The following ELAVL4 variants were observed in gnomAD, a reference collection of about 807,000 sequenced individuals.
ELAVL4 encodes ELAV like RNA binding protein 4, also known as ELAV-like protein 4.
ELAVL4 carries 1 observed loss-of-function variant against 35.6 expected under a neutral mutation model. That is an observed-to-expected ratio of 0.03 (90% CI 0.01 to 0.13). The LOEUF is 0.13. Among genes scored for constraint, ELAVL4 ranks in the 10% least tolerant of loss-of-function variants. The probability of loss-of-function intolerance (pLI) is 1.00; values close to 1 mark genes in which losing one functional copy is unlikely to be tolerated. For missense variants in ELAVL4, 267 were observed against 464.9 expected, an observed-to-expected ratio of 0.57 and a Z score of 3.91; for synonymous variants, 156 against 171.0, an observed-to-expected ratio of 0.91 and a Z score of 0.69.
chr1:50,120,893 G>C (rs561300800), intron 1 of ELAVL4, among the ~76,000 whole-genome samples: 2 of 152,004 alleles, frequency 1.3e-5, no homozygotes, highest in Non-Finnish European at 2.9e-5. Flanking sequence ...AGAGAAGATG[G>C]TGGTGAGTGG....
chr1:50,153,598 C>A (rs1279570768), intron 2 of ELAVL4, among the ~76,000 whole-genome samples: 3 of 152,140 alleles, frequency 2.0e-5, no homozygotes, highest in Non-Finnish European at 4.4e-5. Flanking sequence ...GAAAAGCGAG[C>A]CTTCAACTTG....
rs1644349503 is a variant in ELAVL4 at position 50,200,712 on chromosome 1, A to C, written c.774-139A>C. On this transcript the variant is annotated intron_variant, in intron 6 of 6. Coordinates refer to ENST00000371824, the MANE Select transcript of ELAVL4 (RefSeq NM_001144774.3). ...AAATGACATAGACATTAGTTTTTAC[A>C]TTTTGGTTTTTGAACCCTGAAGACT... 36 of 1,488,574 alleles carry C rather than the reference A, an allele frequency of 2.4e-5. No homozygotes were observed. In the South Asian group the frequency reaches 4.8e-4, roughly 20 times the overall value. The allele number at this position is 1,488,574 out of a possible 1,614,324, so 92.2% of individuals were successfully genotyped here.
intron 6 of ELAVL4, among the ~76,000 whole-genome samples, chr1:50,197,994 C>T (rs1557869188): frequency 6.6e-6 from 1 of 152,208 alleles, no homozygotes; most frequent in Non-Finnish European, 1.5e-5. Context: ...TTTCTAACTC[C>T]TGCCCCCACT....
chr1:50,105,844 A>G (rs1666255447), upstream of ELAVL4: 2 of 156,962 alleles, frequency 1.3e-5, no homozygotes, highest in African/African-American at 4.8e-5. Context: ...AACCCTTTGC[A>G]GACGGAGTGC....
chr1:50,068,259 TAG>T (rs1664357800), intron 1 of ELAVL4, among the ~76,000 whole-genome samples: 1 of 152,148 alleles, frequency 6.6e-6, no homozygotes. Context: ...CATGCATAAC[TAG>T]ACATGGGAGA....
At chr1:50,126,811 A>G (rs988105289) in intron 1 of ELAVL4, among the ~76,000 whole-genome samples, 3 of 152,116 alleles carry the variant, frequency 2.0e-5, no homozygotes, top group African/African-American at 7.2e-5. Context: ...AAACTCCCCC[A>G]TGAAACACAT....
chr1:50,065,949 CAA>C (rs1430055551), intron 1 of ELAVL4, among the ~76,000 whole-genome samples: 3 of 151,978 alleles, frequency 2.0e-5, no homozygotes, highest in Non-Finnish European at 2.9e-5. Context: ...GGCAGGGTAC[CAA>C]GAGAGAGCGA....
intron 2 of ELAVL4, among the ~76,000 whole-genome samples, chr1:50,153,595 G>C (rs935023406): frequency 7.2e-5 from 11 of 152,142 alleles, no homozygotes; most frequent in African/African-American, 2.7e-4. Context: ...AAAGAAAAGC[G>C]AGCCTTCAAC....
intron 1 of ELAVL4, among the ~76,000 whole-genome samples, chr1:50,060,885 T>G (rs183682180): frequency 6.6e-6 from 1 of 152,180 alleles, no homozygotes; most frequent in Admixed American, 6.5e-5. Context: ...TCAAGCATGA[T>G]TTACATCCCT....
At chr1:50,194,852 G>C (rs1643929820) in intron 4 of ELAVL4, among the ~76,000 whole-genome samples, 1 of 152,180 alleles carries the variant, frequency 6.6e-6, no homozygotes, top group African/African-American at 2.4e-5. Flanking sequence ...AGGAGGGACA[G>C]AGCAGTGTAA....
chr1:50,109,634 G>T (rs1406701160), intron 1 of ELAVL4: 6 of 423,652 alleles, frequency 1.4e-5, no homozygotes, highest in Non-Finnish European at 2.6e-5. Context: ...TTTAAACCTC[G>T]AGAGGCAGCT....
At chr1:50,147,203 A>C (rs371073161) in intron 2 of ELAVL4, among the ~76,000 whole-genome samples, 104 of 152,240 alleles carry the variant, frequency 6.8e-4, no homozygotes, top group African/African-American at 2.0e-3. Flanking sequence ...GGCCCAAAAA[A>C]TTTTTATTTG....
At chr1:50,060,912 T>A (rs1338637850) in intron 1 of ELAVL4, among the ~76,000 whole-genome samples, 2 of 152,222 alleles carry the variant, frequency 1.3e-5, no homozygotes, top group Non-Finnish European at 2.9e-5. Context: ...AGATAATTTT[T>A]CTTCTATTTC....
chr1:50,106,835 A>G (rs138192477), upstream of ELAVL4, among the ~76,000 whole-genome samples: 1 of 152,332 alleles, frequency 6.6e-6, no homozygotes, highest in East Asian at 1.9e-4. Context: ...CTAGTTATTT[A>G]TACTGTATAT....
At chr1:50,119,945 A>G (rs1230761251) in intron 1 of ELAVL4, among the ~76,000 whole-genome samples, 1 of 151,778 alleles carries the variant, frequency 6.6e-6, no homozygotes, top group African/African-American at 2.4e-5. Context: ...TAATATCAGA[A>G]GTCTTCGCTC....
chr1:50,144,753 ATGGGC>A (rs775454410), intron 1 of ELAVL4, 199 bp from the exon 2 acceptor site: 2 of 792,956 alleles, frequency 2.5e-6, no homozygotes, highest in Non-Finnish European at 4.4e-6. Context: ...TTCAAAATCT[ATGGGC>A]TGGCCTAAAA....
intron 2 of ELAVL4, among the ~76,000 whole-genome samples, chr1:50,154,444 A>C (rs1232254812): frequency 2.6e-5 from 4 of 152,094 alleles, no homozygotes; most frequent in African/African-American, 9.7e-5. Flanking sequence ...TTTGTAGTTG[A>C]ATGTCTGGTG....
chr1:50,161,487 G>GT lies in ELAVL4; in HGVS notation c.251-15593dup, dbSNP rs879748666. The stretch of plus-strand genomic sequence containing the variant: ...TACTTAGAATATCTTTTCCTTTTCA[G>GT]TTTTTTTTTAACTAAGTACTTGATA... On this transcript the variant is annotated intron_variant, in intron 2 of 6. Coordinates refer to ENST00000371824, the MANE Select transcript of ELAVL4 (RefSeq NM_001144774.3). Among the ~76,000 whole-genome samples the GT allele has an allele frequency of 9.3e-5, 14 of 151,030 alleles. No individual in the cohort carries two copies. The East Asian group carries it at 1.4e-3, about 15-fold the overall frequency.
chr1:50,100,851 A>G (rs556089487), upstream of ELAVL4, among the ~76,000 whole-genome samples: 1 of 152,286 alleles, frequency 6.6e-6, no homozygotes, highest in South Asian at 2.1e-4. Flanking sequence ...GTTATTCTCT[A>G]GTTGTTTTGA....
Sources: gnomAD v4.1 joint callset for allele counts (sites outside exome capture counted in the v4.1 genomes callset) on GRCh38, gnomAD v4.1.1 for gene constraint, MANE v1.5 for transcripts, NCBI Gene and HGNC (gene_info 2026-07-23, HGNC 2026-07-21) for gene names.